The following TCFL5 variants were observed in gnomAD, a reference collection of about 807,000 sequenced individuals.
The protein encoded by TCFL5 is transcription factor-like 5 protein.
In TCFL5, 9 loss-of-function variants were observed where a neutral mutation model predicts 44.3. The ratio of observed to expected loss-of-function variants is 0.20; its 90% CI spans 0.12 to 0.35. TCFL5 has a LOEUF of 0.35. TCFL5 is among the 10% of genes least tolerant of loss of function. TCFL5 has a pLI of 1.00. For synonymous variants in TCFL5, 319 were observed against 271.6 expected (o/e 1.17, Z -1.72); for missense variants, 603 against 613.4 (o/e 0.98, Z 0.18).
rs1034080448 is a variant in TCFL5 at position 62,841,853 on chromosome 20, G to T, written c.*122C>A. 1.5e-6 allele frequency: 2 copies of T among 1,363,572 alleles called. No homozygotes were observed. The highest frequency in any genetic ancestry group is 2.9e-5 in the African/African-American group (2 of 68,242). 84.5% of individuals were successfully genotyped at this position (1,363,572 alleles called of 1,614,324 possible). A position where few individuals can be genotyped will look rare whatever the true frequency, so the allele number is the denominator to read the frequency against. On this transcript the variant is annotated 3_prime_UTR_variant, in exon 6 of 6. Transcript: ENST00000335351. ...CTCTCAAAGTCCCTACTGGAGTCCC[G>T]TCAGCTTGAGTCACGCCCTTTTCGA...
At chr20:62,851,611 A>G in intron 5 of TCFL5, 7 of 985,328 alleles carry the variant, frequency 7.1e-6, no homozygotes, top group Non-Finnish European at 8.4e-6. Flanking sequence ...TACATTCAAC[A>G]TAGCATCGCT....
At chr20:62,844,985 T>C (rs1000481588) in intron 5 of TCFL5, 3 of 985,300 alleles carry the variant, frequency 3.0e-6, no homozygotes, top group Non-Finnish European at 3.6e-6. Context: ...TGGATTTAAC[T>C]TCTGAACCAC....
At chr20:62,850,568 A>C (rs1297431542) in intron 5 of TCFL5, among the ~76,000 whole-genome samples, 1 of 152,028 alleles carries the variant, frequency 6.6e-6, no homozygotes, top group Non-Finnish European at 1.5e-5. Flanking sequence ...CCGGCAAGCC[A>C]CATCTTCCAG....
intron 2 of TCFL5, among the ~76,000 whole-genome samples, chr20:62,859,882 T>C (rs1185731204): frequency 2.6e-5 from 4 of 152,028 alleles, no homozygotes; most frequent in Non-Finnish European, 5.9e-5. Flanking sequence ...CACTACCACC[T>C]GGTTAATTTT....
chr20:62,844,556 TTTC>T (rs1380700266), intron 5 of TCFL5, among the ~76,000 whole-genome samples: 4 of 146,290 alleles, frequency 2.7e-5, no homozygotes, highest in African/African-American at 1.1e-4. Context: ...CAACATTTTT[TTTC>T]TGTTTTTTTT....
chr20:62,850,779 G>A (rs1232905853), intron 5 of TCFL5, among the ~76,000 whole-genome samples: 1 of 152,184 alleles, frequency 6.6e-6, no homozygotes, highest in East Asian at 1.9e-4. Flanking sequence ...TGGCAGGCAG[G>A]CACTCCTCAG....
chr20:62,842,873 GGCCA>G lies in TCFL5; in HGVS notation c.1381-780_1381-777del, dbSNP rs1378638785. On this transcript the variant is annotated intron_variant, in intron 5 of 5. Transcript: ENST00000335351. The surrounding 1 kb of genome is among the most constrained non-coding windows in gnomAD (Gnocchi z 4.3). ...CACTGCCACACACTCAGGGTTCCAAGGCCAGCAAGGTGGAGGTGCTGCTCGCTGA... is the reference window on the plus strand; with the variant it reads ...CACTGCCACACACTCAGGGTTCCAAGGCAAGGTGGAGGTGCTGCTCGCTGA... 1.3e-5 allele frequency among the ~76,000 whole-genome samples: 2 copies of G among 152,238 alleles called. No individual in the cohort carries two copies. The highest frequency in any genetic ancestry group is 4.8e-5 in the African/African-American group (2 of 41,470).
rs766028803 is a variant in TCFL5, at chr20:62,859,407, A to G, written c.951T>C (p.Ser317=). The change falls in exon 3 of 6, where the codon AGT becomes AGC. Residue 317 remains serine (S), a synonymous_variant. Transcript: ENST00000335351. ...CTTGCTCAGGCAAAACTTTGTTTCT[A>G]CTACCTAACGTCTGTTTAGTGGATT... is the stretch of plus-strand genomic sequence containing the variant. The part of the protein sequence containing the change: ...EIESTKQTLG[S]RNKVLPEQVW... 5.6e-6 allele frequency: 9 copies of G among 1,612,056 alleles called. No individual in the cohort carries two copies. The South Asian group carries it at 8.8e-5, about 16-fold the overall frequency.
intron 5 of TCFL5, chr20:62,852,271 G>A (rs1226407678): frequency 2.4e-5 from 24 of 985,328 alleles, no homozygotes; most frequent in Non-Finnish European, 2.8e-5. Context: ...CTCCTAGAGG[G>A]CCAAAGAGCC....
At chr20:62,845,546 T>A in intron 5 of TCFL5, 1 of 1,461,442 alleles carries the variant, frequency 6.8e-7, no homozygotes, top group Non-Finnish European at 9.1e-7. Context: ...CAAGATAGAA[T>A]TCACCTTTCA....
At chr20:62,847,528 C>A (rs111728019) in intron 5 of TCFL5, among the ~76,000 whole-genome samples, 1 of 152,210 alleles carries the variant, frequency 6.6e-6, no homozygotes, top group African/African-American at 2.4e-5. Flanking sequence ...GACCAAGGAG[C>A]TCAGGTGGCC....
rs1211398570 is a variant in TCFL5, at chr20:62,861,015, G to A, written c.647+9C>T. The A allele has an allele frequency of 1.2e-5, 12 of 993,298 alleles. No individual in the cohort carries two copies. The highest frequency in any genetic ancestry group is 5.1e-4 in the Middle Eastern group (1 of 1,970). 61.5% of individuals were successfully genotyped at this position (993,298 alleles called of 1,614,324 possible). ...GGGCCCCGCCAGCCCCCGGCCGCCG[G>A]GCACGCACTTGTTGAGCGCCCCGCC... On this transcript the variant is annotated intron_variant, in intron 1 of 5. Coordinates refer to ENST00000335351, the MANE Select transcript of TCFL5 (RefSeq NM_006602.4). The surrounding 1 kb of genome is among the most constrained non-coding windows in gnomAD (Gnocchi z 4.0).
chr20:62,851,993 C>T (rs1048688249), intron 5 of TCFL5: 7 of 847,792 alleles, frequency 8.3e-6, no homozygotes, highest in East Asian at 1.2e-4. Flanking sequence ...TTAATAGAGA[C>T]GGGGGTCTCA....
chr20:62,857,939 T>C (rs1161208151), intron 3 of TCFL5, among the ~76,000 whole-genome samples: 3 of 151,882 alleles, frequency 2.0e-5, no homozygotes, highest in Non-Finnish European at 4.4e-5. Flanking sequence ...ACAGGTGTTA[T>C]CTATGAATAC....
chr20:62,853,948 G>T (rs6062713), intron 5 of TCFL5, 68 bp downstream of exon 5: 2 of 1,554,780 alleles, frequency 1.3e-6, no homozygotes, highest in East Asian at 2.2e-5. Flanking sequence ...GTTATCCTTA[G>T]GAAAAAGGAG....
chr20:62,852,323 C>G, intron 5 of TCFL5: 1 of 985,366 alleles, frequency 1.0e-6, no homozygotes, highest in Non-Finnish European at 1.2e-6. Context: ...GGACCTGGAA[C>G]TCGGGTCCCC....
intron 5 of TCFL5, among the ~76,000 whole-genome samples, chr20:62,853,089 ACCGGTCCACAGAAGCATAGTCAC>A (rs1247626391): frequency 1.0e-4 from 14 of 134,458 alleles, no homozygotes; most frequent in Admixed American, 8.7e-4. Flanking sequence ...AAGCACAGTC[ACCGGTCCACAGAAGCATAGTCAC>A]CCGGTCCACA....
At chr20:62,844,503 C>T (rs547955914) in intron 5 of TCFL5, among the ~76,000 whole-genome samples, 17 of 152,134 alleles carry the variant, frequency 1.1e-4, no homozygotes, top group African/African-American at 3.6e-4. Context: ...CTCAGCCTCC[C>T]GAGTAGCTGG....
At chr20:62,852,794 G>A (rs1430015672) in intron 5 of TCFL5, 57 of 1,288,898 alleles carry the variant, frequency 4.4e-5, no homozygotes, top group East Asian at 5.6e-5. Context: ...ACGGTCACCC[G>A]GTCCGCAGAA....
Sources: gnomAD v4.1 joint callset for allele counts (sites outside exome capture counted in the v4.1 genomes callset) on GRCh38, gnomAD v4.1.1 for gene constraint, Gnocchi (gnomAD v3.1) non-coding constraint, MANE v1.5 for transcripts, NCBI Gene and HGNC (gene_info 2026-07-23, HGNC 2026-07-21) for gene names.